BRD8: variants seen among roughly 807,000 people sequenced by gnomAD.
BRD8 encodes the protein bromodomain-containing protein 8.
BRD8 carries 67 observed loss-of-function variants against 143.1 expected under a neutral mutation model. That is an observed-to-expected ratio of 0.47 (90% confidence interval 0.38 to 0.57). The LOEUF is 0.57. Ranked by LOEUF, BRD8 falls within the 20% of genes least tolerant of loss-of-function variation. The pLI is 0.00. For missense variants in BRD8, 1,103 were observed against 1,503.0 expected, an observed-to-expected ratio of 0.73 and a Z score of 4.40; for synonymous variants, 505 against 517.1, an observed-to-expected ratio of 0.98 and a Z score of 0.32.
chr5:138,165,976 G>A lies in BRD8; in HGVS notation c.1130C>T (p.Ala377Val). The A allele has an allele frequency of 6.2e-7, 1 of 1,614,134 alleles. No homozygotes were observed. The highest frequency in any genetic ancestry group is 8.5e-7 in the Non-Finnish European group (1 of 1,180,036). ...IKEECFRSGV[A>V]EAPVGSKAPS... ...AGCCTTTGATCCAACAGGAGCCTCT[G>A]CTACCCCTGATCGAAAACACTCTTC... is the stretch of plus-strand genomic sequence containing the variant. Residue 377 changes from alanine (A) to valine (V), a missense_variant, in exon 11 of 27, where the codon GCA (alanine) becomes GTA (valine). Ala to Val is a moderately conservative substitution (Grantham distance 64). Around this residue, in one of 7 missense-constraint regions of BRD8, gnomAD observed 334 missense variants for 372.5 expected, o/e 0.90. Coordinates refer to ENST00000254900, the MANE Select transcript of BRD8 (RefSeq NM_139199.2).
chr5:138,163,711 ATTCT>A (rs1209916097), intron 14 of BRD8: 2 of 1,116,138 alleles, frequency 1.8e-6, no homozygotes, highest in Non-Finnish European at 1.2e-6. Flanking sequence ...CTCACATCAC[ATTCT>A]TTAAGCCTCT....
intron 20 of BRD8, 47 bp downstream of exon 20, chr5:138,159,508 G>C (rs1267761074): frequency 1.2e-6 from 2 of 1,600,182 alleles, no homozygotes. Flanking sequence ...ATTAAGAGCT[G>C]AGAATCTTTG....
chr5:138,163,724 C>T (rs1001592814), intron 14 of BRD8: 3 of 925,978 alleles, frequency 3.2e-6, no homozygotes, highest in East Asian at 4.5e-5. Flanking sequence ...CTTTAAGCCT[C>T]TGTTACTGCT....
intron 22 of BRD8, among the ~76,000 whole-genome samples, chr5:138,150,085 G>T (rs1752319434): frequency 6.6e-6 from 1 of 151,582 alleles, no homozygotes; most frequent in Non-Finnish European, 1.5e-5. Flanking sequence ...GATCACCTGT[G>T]GCCCTGGAGT....
chr5:138,168,704 G>A, intron 8 of BRD8: 2 of 1,340,426 alleles, frequency 1.5e-6, no homozygotes, highest in East Asian at 2.3e-5. Context: ...AGACAACAGA[G>A]AACCTTTATC....
At chr5:138,145,371 A>T in intron 24 of BRD8, 126 bp from the exon 25 acceptor site, 1 of 739,482 alleles carries the variant, frequency 1.4e-6, no homozygotes, top group Non-Finnish European at 2.2e-6. Context: ...TTAGGAAAAA[A>T]TCTATTTGTT....
chr5:138,170,553 G>T, intron 6 of BRD8, 144 bp from the exon 7 acceptor site: 1 of 900,716 alleles, frequency 1.1e-6, no homozygotes, highest in East Asian at 2.4e-5. Flanking sequence ...GCAAAACAGT[G>T]AATTGGGGTA....
chr5:138,168,554 A>C, intron 8 of BRD8: 1 of 1,610,214 alleles, frequency 6.2e-7, no homozygotes, highest in Non-Finnish European at 8.5e-7. Flanking sequence ...CTTTCTGTCC[A>C]AGCATCTTTT....
chr5:138,165,058 T>C lies in BRD8; in HGVS notation c.1387A>G (p.Ile463Val). Reference protein sequence around the residue: ...QSLPGPWEHPIQQERDKPVPL... With the variant: ...QSLPGPWEHPVQQERDKPVPL... ...ACTGGCTTGTCCCGCTCCTGCTGGA[T>C]AGGATGCTCCCAGGGGCCAGGCAGG... The change falls in exon 12 of 27, where the codon ATC (isoleucine) becomes GTC (valine). Residue 463 changes from isoleucine (I) to valine (V), a missense_variant. Ile to Val is a conservative substitution (Grantham distance 29). Transcript: ENST00000254900. 2 of 1,614,144 alleles carry C rather than the reference T, an allele frequency of 1.2e-6. No individual in the cohort carries two copies. The highest frequency in any genetic ancestry group is 8.5e-7 in the Non-Finnish European group (1 of 1,180,012).
chr5:138,160,315 T>C, intron 18 of BRD8, 142 bp from the exon 19 acceptor site: 1 of 627,678 alleles, frequency 1.6e-6, no homozygotes, highest in Non-Finnish European at 2.8e-6. Context: ...GTTTAGCATA[T>C]TAAGTTTTAA....
intron 20 of BRD8, 74 bp from the exon 21 acceptor site, chr5:138,152,834 TC>T: frequency 6.7e-7 from 1 of 1,499,140 alleles, no homozygotes. Context: ...TCTCCCGAGT[TC>T]AGTAGAAAAA....
chr5:138,171,214 CCT>C, intron 4 of BRD8, 54 bp from the exon 5 acceptor site: 4 of 1,539,626 alleles, frequency 2.6e-6, no homozygotes, highest in Non-Finnish European at 3.6e-6. Context: ...ACATTTATCC[CCT>C]CTCCTACTTG....
At chr5:138,174,897 T>G (rs914381012) in intron 2 of BRD8, among the ~76,000 whole-genome samples, 5 of 151,356 alleles carry the variant, frequency 3.3e-5, no homozygotes, top group Admixed American at 1.3e-4. Flanking sequence ...AAGTTTTTTT[T>G]TTTTTTTTTT....
chr5:138,143,523 A>G (rs1220787877), intron 25 of BRD8, among the ~76,000 whole-genome samples: 38 of 152,146 alleles, frequency 2.5e-4, no homozygotes, highest in Admixed American at 2.4e-3. Context: ...AAATACTGAG[A>G]GGTGAAGCTG....
rs990765084 is a variant in BRD8 at position 138,140,938 on chromosome 5, T to C, written c.3438-56A>G. 10 of 1,569,712 alleles carry C rather than the reference T, an allele frequency of 6.4e-6. No individual in the cohort carries two copies. The East Asian group carries it at 1.1e-4, about 18-fold the overall frequency. ...TCAAACCTTCATGTGGAACATATGA[T>C]AACCTAACACGTTCTCTTGAAGAAC... is the stretch of plus-strand genomic sequence containing the variant. On this transcript the variant is annotated intron_variant, in intron 25 of 26. Coordinates refer to ENST00000254900, the MANE Select transcript of BRD8 (RefSeq NM_139199.2).
At chr5:138,151,852 TTTAA>T (rs959963685) in intron 21 of BRD8, among the ~76,000 whole-genome samples, 1 of 148,634 alleles carries the variant, frequency 6.7e-6, no homozygotes, top group South Asian at 2.1e-4. Flanking sequence ...TAATTTTAAT[TTTAA>T]TTAATTTATT....
At chr5:138,164,679 C>T in intron 12 of BRD8, 35 bp downstream of exon 12, 1 of 1,605,400 alleles carries the variant, frequency 6.2e-7, no homozygotes, top group Middle Eastern at 1.7e-4. Context: ...AAGGTATAAA[C>T]CTCCATCTCC....
chr5:138,168,144 G>T, intron 8 of BRD8, 66 bp from the exon 9 acceptor site: 2 of 1,214,260 alleles, frequency 1.6e-6, no homozygotes, highest in Non-Finnish European at 2.4e-6. Flanking sequence ...TCCCAACAAA[G>T]CTCCAGCAGT....
intron 8 of BRD8, 125 bp downstream of exon 8, chr5:138,169,097 A>T: frequency 1.9e-6 from 2 of 1,026,722 alleles, no homozygotes; most frequent in Non-Finnish European, 2.8e-6. Context: ...ATGGTAAATT[A>T]AGTCTTTAGC....
Sources: allele counts gnomAD v4.1 joint callset (sites outside exome capture counted in the v4.1 genomes callset), GRCh38; gene constraint gnomAD v4.1.1; regional missense constraint gnomAD v4.1.1; transcripts MANE v1.5; gene names NCBI Gene and HGNC (gene_info 2026-07-23, HGNC 2026-07-21).